The following SLC24A2 variants were observed in gnomAD, a reference collection of about 807,000 sequenced individuals.
The protein encoded by SLC24A2 is solute carrier family 24 member 2, also known as sodium/potassium/calcium exchanger 2.
SLC24A2 carries 36 observed loss-of-function variants against 62.0 expected under a neutral mutation model. That is an observed-to-expected ratio of 0.58 (90% CI 0.44 to 0.77). SLC24A2 has a LOEUF of 0.77. SLC24A2 is among the 30% of genes least tolerant of loss of function. The pLI is 0.00. For missense variants in SLC24A2, 846 were observed against 817.9 expected, an observed-to-expected ratio of 1.03 and a Z score of -0.42; for synonymous variants, 358 against 294.0, an observed-to-expected ratio of 1.22 and a Z score of -2.23.
intron 7 of SLC24A2, among the ~76,000 whole-genome samples, chr9:19,573,086 GGAGATACT>G (rs1563975421): frequency 2.0e-5 from 3 of 152,190 alleles, no homozygotes. Flanking sequence ...TTCATCCCCA[GGAGATACT>G]GATGCATGAG....
the SLC24A2 span, among the ~76,000 whole-genome samples, chr9:20,243,569 C>T: frequency 6.6e-6 from 1 of 152,184 alleles, no homozygotes; most frequent in African/African-American, 2.4e-5. Context: ...CAGATTGTAA[C>T]ACGCTTACAC....
At chr9:20,155,442 G>A in the SLC24A2 span, among the ~76,000 whole-genome samples, 1 of 151,736 alleles carries the variant, frequency 6.6e-6, no homozygotes. Context: ...AATTACAGAA[G>A]AGATCATTTA....
At chr9:20,052,075 C>T in the SLC24A2 span, among the ~76,000 whole-genome samples, 2 of 152,106 alleles carry the variant, frequency 1.3e-5, no homozygotes, top group Admixed American at 1.3e-4. Context: ...TTATTCAGAA[C>T]ATTCAACTAC....
the SLC24A2 span, among the ~76,000 whole-genome samples, chr9:20,204,278 T>C: frequency 1.3e-5 from 2 of 152,222 alleles, no homozygotes; most frequent in African/African-American, 2.4e-5. Flanking sequence ...ATCCACAGCA[T>C]TGCCACCTTC....
At chr9:19,815,958 C>CTT in the SLC24A2 span, among the ~76,000 whole-genome samples, 3 of 64,886 alleles carry the variant, frequency 4.6e-5, no homozygotes, top group South Asian at 5.4e-4. Context: ...ATTTTTTGCC[C>CTT]CTTTTTTTTT....
At chr9:20,011,733 A>G in the SLC24A2 span, among the ~76,000 whole-genome samples, 1 of 152,176 alleles carries the variant, frequency 6.6e-6, no homozygotes, top group Non-Finnish European at 1.5e-5. Context: ...AATTTAACCT[A>G]AAAATAATTT....
the SLC24A2 span, among the ~76,000 whole-genome samples, chr9:20,216,248 G>C: frequency 2.0e-5 from 3 of 152,182 alleles, no homozygotes; most frequent in Non-Finnish European, 2.9e-5. Flanking sequence ...TGCTGCATTA[G>C]AGAAATACCA....
intron 8 of SLC24A2, among the ~76,000 whole-genome samples, chr9:19,545,489 C>A (rs1834510813): frequency 6.6e-6 from 1 of 151,968 alleles, no homozygotes; most frequent in Admixed American, 6.6e-5. Context: ...GAGTTGTCAT[C>A]CTTGAGAAGA....
At chr9:19,826,747 G>A in the SLC24A2 span, among the ~76,000 whole-genome samples, 1 of 152,138 alleles carries the variant, frequency 6.6e-6, no homozygotes, top group African/African-American at 2.4e-5. Context: ...TTTCTAGAAG[G>A]TCCACATCTC....
the SLC24A2 span, among the ~76,000 whole-genome samples, chr9:20,094,726 G>C: frequency 3.9e-5 from 6 of 152,086 alleles, no homozygotes; most frequent in African/African-American, 1.4e-4. Flanking sequence ...AAAAAAATTT[G>C]TATAACTAAA....
At chr9:19,710,044 C>G (rs1820667894) in intron 2 of SLC24A2, among the ~76,000 whole-genome samples, 1 of 152,178 alleles carries the variant, frequency 6.6e-6, no homozygotes, top group Admixed American at 6.5e-5. Context: ...CCTTTTCACT[C>G]ACCAGATTTC....
At chr9:19,566,295 G>A (rs1835647278) in intron 7 of SLC24A2, among the ~76,000 whole-genome samples, 1 of 149,362 alleles carries the variant, frequency 6.7e-6, no homozygotes, top group Non-Finnish European at 1.5e-5. Context: ...TCAAAAAGTG[G>A]GTGAAGGATA....
At chr9:19,580,919 C>T (rs1276269902) in intron 5 of SLC24A2, among the ~76,000 whole-genome samples, 1 of 152,160 alleles carries the variant, frequency 6.6e-6, no homozygotes, top group African/African-American at 2.4e-5. Flanking sequence ...AAGAGGGGCT[C>T]ATTTTCTGCC....
At chr9:20,235,409 C>G in the SLC24A2 span, among the ~76,000 whole-genome samples, 16 of 152,232 alleles carry the variant, frequency 1.1e-4, no homozygotes, top group African/African-American at 3.4e-4. Flanking sequence ...TTTCCCTAAT[C>G]AAACAGCTAA....
chr9:20,082,097 T>A, the SLC24A2 span, among the ~76,000 whole-genome samples: 1 of 152,156 alleles, frequency 6.6e-6, no homozygotes, highest in African/African-American at 2.4e-5. Context: ...CCAAATAAAT[T>A]TGTCTATAGC....
chr9:19,770,272 G>A (rs566471389), intron 2 of SLC24A2, among the ~76,000 whole-genome samples: 6 of 151,918 alleles, frequency 3.9e-5, no homozygotes, highest in South Asian at 2.1e-4. Context: ...TTTGGATCTC[G>A]GTTCTGTTCT....
the SLC24A2 span, among the ~76,000 whole-genome samples, chr9:19,923,840 C>T: frequency 6.6e-6 from 1 of 152,174 alleles, no homozygotes; most frequent in South Asian, 2.1e-4. Flanking sequence ...CTCCGCCTCC[C>T]AGGTTCAAGT....
chr9:20,102,243 A>G, the SLC24A2 span, among the ~76,000 whole-genome samples: 1 of 152,188 alleles, frequency 6.6e-6, no homozygotes, highest in East Asian at 1.9e-4. Context: ...TAGATTTTCT[A>G]CTAATCTAGG....
the SLC24A2 span, among the ~76,000 whole-genome samples, chr9:20,027,346 A>C: frequency 6.6e-6 from 1 of 152,194 alleles, no homozygotes; most frequent in Non-Finnish European, 1.5e-5. Context: ...AGATATCTAC[A>C]TTCCCATGTT....
Sources: gnomAD v4.1 joint callset for allele counts (sites outside exome capture counted in the v4.1 genomes callset) on GRCh38, gnomAD v4.1.1 for gene constraint, MANE v1.5 for transcripts, NCBI Gene and HGNC (gene_info 2026-07-23, HGNC 2026-07-21) for gene names.